Variants in TBC1D9B observed in about 807,000 individuals in gnomAD.
TBC1D9B encodes TBC1 domain family, member 9B (with GRAM domain).
A neutral mutation model predicts 121.1 loss-of-function variants in TBC1D9B; 87 were observed. That is an observed-to-expected ratio of 0.72 (90% CI 0.60 to 0.86). TBC1D9B has a LOEUF of 0.86. Ranked by LOEUF, TBC1D9B falls within the 40% of genes least tolerant of loss-of-function variation. The pLI is 0.00. For missense variants in TBC1D9B, 1,540 were observed against 1,628.6 expected (o/e 0.95, Z 0.94); for synonymous variants, 668 against 670.1 (o/e 1.00, Z 0.05).
In TBC1D9B at chr5:179,874,474, G is replaced by A. The variant is rs987732343; in HGVS notation, c.2186+428C>T. Among the ~76,000 whole-genome samples the A allele has an allele frequency of 6.6e-6, 1 of 152,152 alleles. No individual in the cohort carries two copies. The highest frequency in any genetic ancestry group is 1.5e-5 in the Non-Finnish European group (1 of 68,028). The stretch of plus-strand genomic sequence containing the variant: ...CATCAGCTCATCCAGCTGTTCCAGC[G>A]GGCCCAGGGCAGGCCTGCTCCCTCC... On this transcript the variant is annotated intron_variant, in intron 12 of 20. Coordinates refer to ENST00000355235, the MANE Select transcript of TBC1D9B (RefSeq NM_015043.4). The surrounding 1 kb of genome is among the most constrained non-coding windows in gnomAD (Gnocchi z 4.3).
intron 7 of TBC1D9B, chr5:179,880,168 C>T (rs1760499531): frequency 1.2e-5 from 3 of 254,316 alleles, no homozygotes; most frequent in Non-Finnish European, 2.3e-5. Flanking sequence ...CTGGGCTGCA[C>T]AGAGGGCTGG....
chr5:179,883,060 T>C (rs1760585032), intron 7 of TBC1D9B, among the ~76,000 whole-genome samples: 1 of 152,206 alleles, frequency 6.6e-6, no homozygotes, highest in Non-Finnish European at 1.5e-5. Context: ...AGTTTCACCA[T>C]GTTGGCCAGG....
In TBC1D9B at chr5:179,907,824, C is replaced by G; in HGVS notation, c.-3G>C. On this transcript the variant is annotated 5_prime_UTR_variant, in exon 1 of 21. Transcript: ENST00000355235. This position sits in a 1 kb window ranked among gnomAD's most constrained non-coding sequence, Gnocchi z 5.3. ...ACCTCCTCCGGGCTCAGCCACATCG[C>G]GGAGCCGCTCGCACCGGGCCGAGGC... The G allele has an allele frequency of 8.7e-7, 1 of 1,155,846 alleles. No individual in the cohort carries two copies. Among genetic ancestry groups the G allele is most frequent in the African/African-American group, 1.7e-5 (1 of 60,602 alleles). The allele number at this position is 1,155,846 out of a possible 1,614,324, so 71.6% of individuals were successfully genotyped here. A position where few individuals can be genotyped will look rare whatever the true frequency, so the allele number is the denominator to read the frequency against.
intron 17 of TBC1D9B, 139 bp downstream of exon 17, chr5:179,869,630 C>T: frequency 1.1e-6 from 1 of 914,966 alleles, no homozygotes. Context: ...CCCGCTCCCT[C>T]TCCTCCAATG....
chr5:179,895,718 T>G (rs1361552413), intron 3 of TBC1D9B, among the ~76,000 whole-genome samples: 3 of 152,226 alleles, frequency 2.0e-5, no homozygotes, highest in Admixed American at 2.0e-4. Context: ...TCAAGGTCAG[T>G]GCTGGTGGCT....
rs1198206373 is a variant in TBC1D9B at position 179,907,861 on chromosome 5, A to C, written c.-40T>G. 2.0e-6 allele frequency: 2 copies of C among 1,004,748 alleles called. No individual in the cohort carries two copies. The highest frequency in any genetic ancestry group is 1.8e-5 in the African/African-American group (1 of 57,060). 62.2% of individuals were successfully genotyped at this position (1,004,748 alleles called of 1,614,324 possible). On this transcript the variant is annotated 5_prime_UTR_variant, in exon 1 of 21. Coordinates refer to ENST00000355235, the MANE Select transcript of TBC1D9B (RefSeq NM_015043.4). The surrounding 1 kb of genome is among the most constrained non-coding windows in gnomAD (Gnocchi z 5.3). ...CACCGGGCCGAGGCCCGCGAGACGG[A>C]AGCGCCCGCCGCCGTCGGCGTCCCG...
chr5:179,906,627 G>A (rs925462653), intron 1 of TBC1D9B, among the ~76,000 whole-genome samples: 1 of 152,162 alleles, frequency 6.6e-6, no homozygotes, highest in Admixed American at 6.6e-5. Context: ...TCTAGGAGGC[G>A]GGTCCAGAAC....
chr5:179,903,926 C>G (rs181013051), intron 2 of TBC1D9B, among the ~76,000 whole-genome samples: 1 of 152,068 alleles, frequency 6.6e-6, no homozygotes, highest in Non-Finnish European at 1.5e-5. Flanking sequence ...CAGCTGGGGA[C>G]ATGGGCATCA....
chr5:179,869,691 C>A, intron 17 of TBC1D9B, 78 bp downstream of exon 17: 1 of 1,514,138 alleles, frequency 6.6e-7, no homozygotes, highest in South Asian at 1.2e-5. Flanking sequence ...CCCACAGTCT[C>A]ACAGAGGCCT....
intron 7 of TBC1D9B, among the ~76,000 whole-genome samples, chr5:179,880,845 C>T (rs757837828): frequency 2.0e-5 from 3 of 152,086 alleles, no homozygotes; most frequent in East Asian, 1.9e-4. Context: ...CAAATGTTGA[C>T]GACAAGCTGC....
At chr5:179,900,638 C>G (rs547039983) in intron 2 of TBC1D9B, among the ~76,000 whole-genome samples, 1 of 152,150 alleles carries the variant, frequency 6.6e-6, no homozygotes, top group Non-Finnish European at 1.5e-5. Flanking sequence ...GTCGACTGAC[C>G]GATACATAAC....
At chr5:179,893,892 C>T in intron 4 of TBC1D9B, among the ~76,000 whole-genome samples, 1 of 152,150 alleles carries the variant, frequency 6.6e-6, no homozygotes, top group Non-Finnish European at 1.5e-5. Flanking sequence ...CAGGAGGGGG[C>T]ACAGGGAGGC....
rs1759878652 is a variant in TBC1D9B, at chr5:179,862,648, A to G, written c.*800T>C. The G allele has an allele frequency of 2.2e-6, 1 of 452,050 alleles. No homozygotes were observed. The highest frequency in any genetic ancestry group is 2.0e-5 in the African/African-American group (1 of 50,022). 28.0% of individuals were successfully genotyped at this position (452,050 alleles called of 1,614,324 possible). On this transcript the variant is annotated 3_prime_UTR_variant, in exon 21 of 21. Transcript: ENST00000355235. ...AGGACTAAGTGTCTTGAACTTCCAG[A>G]ACACAGCCAGGGCCCCATACTTGGC...
At chr5:179,905,878 C>G (rs1761295633) in intron 1 of TBC1D9B, among the ~76,000 whole-genome samples, 1 of 152,148 alleles carries the variant, frequency 6.6e-6, no homozygotes, top group South Asian at 2.1e-4. Context: ...ACTTTTGTTT[C>G]ATAGTCCATT....
intron 1 of TBC1D9B, among the ~76,000 whole-genome samples, chr5:179,906,636 A>G (rs1408869663): frequency 6.6e-6 from 1 of 152,172 alleles, no homozygotes; most frequent in Non-Finnish European, 1.5e-5. Flanking sequence ...CGGGTCCAGA[A>G]CAGGAGCCCG....
chr5:179,867,539 G>A, intron 18 of TBC1D9B: 1 of 1,552,236 alleles, frequency 6.4e-7, no homozygotes, highest in Non-Finnish European at 8.7e-7. Flanking sequence ...AGAGTGGGGA[G>A]GAGCCAAGGT....
Position 179,872,647 on chromosome 5 carries a change from C to T in TBC1D9B, c.2415+245G>A, listed in dbSNP as rs1004956158. On this transcript the variant is annotated intron_variant, in intron 14 of 20. Coordinates refer to ENST00000355235, the MANE Select transcript of TBC1D9B (RefSeq NM_015043.4). The stretch of plus-strand genomic sequence containing the variant: ...CCCAGAGGGCTGGGCATGTGGCTTT[C>T]AGGGTGGGAGCCATCTGAGAAGCTT... 26 of 534,474 alleles carry T rather than the reference C, an allele frequency of 4.9e-5. 1 individual carries two copies. The highest frequency in any genetic ancestry group is 5.7e-5 in the African/African-American group (3 of 52,442). 33.1% of individuals were successfully genotyped at this position (534,474 alleles called of 1,614,324 possible).
intron 6 of TBC1D9B, among the ~76,000 whole-genome samples, chr5:179,888,681 T>C (rs1312258540): frequency 6.6e-6 from 1 of 152,098 alleles, no homozygotes. Context: ...GGGAACACTT[T>C]TTGACAGCAG....
At chr5:179,896,012 A>G (rs1217899776) in intron 3 of TBC1D9B, among the ~76,000 whole-genome samples, 2 of 152,168 alleles carry the variant, frequency 1.3e-5, no homozygotes, top group East Asian at 1.9e-4. Flanking sequence ...CTAGATTCCT[A>G]TCAGCCCAGA....
Sources: gnomAD v4.1 joint callset for allele counts (sites outside exome capture counted in the v4.1 genomes callset) on GRCh38, gnomAD v4.1.1 for gene constraint, Gnocchi (gnomAD v3.1) non-coding constraint, MANE v1.5 for transcripts, NCBI Gene and HGNC (gene_info 2026-07-23, HGNC 2026-07-21) for gene names.